The following CNTROB variants were observed in gnomAD, a reference collection of about 807,000 sequenced individuals.
CNTROB encodes centrobin, centriole duplication and spindle assembly protein, also known as centrobin.
Under a neutral mutation model 115.7 loss-of-function variants are expected in CNTROB, and 82 were observed. The observed-to-expected ratio is 0.71, with a 90% CI of 0.59 to 0.85. The LOEUF (loss-of-function observed/expected upper bound fraction) is 0.85. Among genes scored for constraint, CNTROB ranks in the 40% least tolerant of loss-of-function variants. The pLI is 0.00. For synonymous variants in CNTROB, 439 were observed against 456.4 expected (o/e 0.96, Z 0.49); for missense variants, 1,014 against 1,144.4 (o/e 0.89, Z 1.64).
At chr17:7,938,202 G>A (rs1325596547) in intron 7 of CNTROB, among the ~76,000 whole-genome samples, 2 of 151,808 alleles carry the variant, frequency 1.3e-5, no homozygotes, top group Non-Finnish European at 2.9e-5. Context: ...ACGGGGTTTC[G>A]CCATGTTGGC....
rs1972741977 is a variant in CNTROB at position 7,933,297 on chromosome 17, A to G, written c.218A>G (p.Gln73Arg). 1.2e-6 allele frequency: 2 copies of G among 1,614,206 alleles called. No individual in the cohort carries two copies. The highest frequency in any genetic ancestry group is 1.7e-6 in the Non-Finnish European group (2 of 1,180,028). Residue 73 changes from glutamine (Q) to arginine (R), a missense_variant, in exon 1 of 19, where the codon CAA becomes CGA. Physicochemically the swap from Gln to Arg is conservative, Grantham distance 43. Coordinates refer to ENST00000563694, the MANE Select transcript of CNTROB (RefSeq NM_053051.5). ...PPHEGLDGFAQELSRSLSVGL... is the reference protein window; with the variant it reads ...PPHEGLDGFARELSRSLSVGL... Reference sequence around the variant, plus strand: ...CATGAAGGGTTAGACGGCTTCGCCCAAGAATTGAGTCGAAGCTTGTCAGTC... The same window carrying G: ...CATGAAGGGTTAGACGGCTTCGCCCGAGAATTGAGTCGAAGCTTGTCAGTC...
In CNTROB at chr17:7,934,506, G is replaced by A. The variant is rs1444576060; in HGVS notation, c.397G>A (p.Glu133Lys). The stretch of plus-strand genomic sequence containing the variant: ...TGGCGCTGGCTCAGAGAGACGGGAA[G>A]AGGACTCCTTTGACAGTGATAGCAC... ...IPGAGSERRE[E>K]DSFDSDSTAT... Residue 133 changes from glutamate to lysine, a missense_variant, in exon 3 of 19, where the codon GAG becomes AAG. Transcript: ENST00000563694. The A allele has an allele frequency of 6.2e-7, 1 of 1,614,196 alleles. No homozygotes were observed. Among genetic ancestry groups the A allele is most frequent in the Admixed American group, 1.7e-5 (1 of 60,026 alleles).
At position 7,944,054 on chromosome 17, in the gene CNTROB, G is replaced by T; in HGVS notation, c.1446-69G>T. ...GGTCACTGTCATGTGCACACATGATGTCTTTTTCTCAGTTGGTCACTTCTT... is the reference window on the plus strand; with the variant it reads ...GGTCACTGTCATGTGCACACATGATTTCTTTTTCTCAGTTGGTCACTTCTT... On this transcript the variant is annotated intron_variant, in intron 10 of 18. Coordinates refer to ENST00000563694, the MANE Select transcript of CNTROB (RefSeq NM_053051.5). The surrounding 1 kb of genome is among the most constrained non-coding windows in gnomAD (Gnocchi z 4.0). The T allele has an allele frequency of 8.2e-7, 1 of 1,219,954 alleles. No homozygotes were observed. The highest frequency in any genetic ancestry group is 1.5e-5 in the African/African-American group (1 of 67,232). 75.6% of individuals were successfully genotyped at this position (1,219,954 alleles called of 1,614,324 possible).
In CNTROB at chr17:7,943,365, C is replaced by T. The variant is rs781272165; in HGVS notation, c.1312-26C>T. On this transcript the variant is annotated intron_variant, in intron 9 of 18. Transcript: ENST00000563694. This position sits in a 1 kb window ranked among gnomAD's most constrained non-coding sequence, Gnocchi z 4.7. Reference sequence around the variant, plus strand: ...CTTCTAAGCCCAAACAGATTTGGGCCGTTATCCCACCTTCCTTCACTCCAG... The same window carrying T: ...CTTCTAAGCCCAAACAGATTTGGGCTGTTATCCCACCTTCCTTCACTCCAG... 7 of 1,592,154 alleles carry T rather than the reference C, an allele frequency of 4.4e-6. No individual in the cohort carries two copies. Among genetic ancestry groups the T allele is most frequent in the East Asian group, 4.5e-5 (2 of 44,482 alleles).
chr17:7,948,659 G>A lies in CNTROB; in HGVS notation c.2513+40G>A, dbSNP rs1974852779. The A allele has an allele frequency of 1.2e-6, 2 of 1,614,032 alleles. No individual in the cohort carries two copies. Among genetic ancestry groups the A allele is most frequent in the Admixed American group, 1.7e-5 (1 of 59,998 alleles). ...GGAAGGAGGAAGGATTCTCCGGGTG[G>A]AAGCTGGATTATGGGGAGTGGAGTG... On this transcript the variant is annotated intron_variant, in intron 17 of 18. Coordinates refer to ENST00000563694, the MANE Select transcript of CNTROB (RefSeq NM_053051.5). The surrounding 1 kb of genome is among the most constrained non-coding windows in gnomAD (Gnocchi z 4.4).
intron 3 of CNTROB, 117 bp downstream of exon 3, chr17:7,934,663 C>A: frequency 2.2e-6 from 2 of 905,420 alleles, no homozygotes; most frequent in Non-Finnish European, 3.5e-6. Flanking sequence ...AGGCTTATCA[C>A]TTGCCTTTCA....
Position 7,935,239 on chromosome 17 carries a change from C to CA in CNTROB, c.594+95dup, listed in dbSNP as rs1356111126. ...GCTGAGGGGGCCTGGCGTGGTGGCT[C>CA]ACGCCTGTAATCACAGCACTTTGGG... On this transcript the variant is annotated intron_variant, in intron 4 of 18. Coordinates refer to ENST00000563694, the MANE Select transcript of CNTROB (RefSeq NM_053051.5). 7 of 1,580,938 alleles carry CA rather than the reference C, an allele frequency of 4.4e-6. No individual in the cohort carries two copies. In the Admixed American group the frequency reaches 1.2e-4, roughly 27 times the overall value.
chr17:7,948,459 C>T lies in CNTROB; in HGVS notation c.2381-28C>T, dbSNP rs76393612. ...GCTGGGGAGACAGGCCCTAGGATGACGCCTGTGATTATTGCGATGTCTGTC... is the reference window on the plus strand; with the variant it reads ...GCTGGGGAGACAGGCCCTAGGATGATGCCTGTGATTATTGCGATGTCTGTC... On this transcript the variant is annotated intron_variant, in intron 16 of 18. Coordinates refer to ENST00000563694, the MANE Select transcript of CNTROB (RefSeq NM_053051.5). The surrounding 1 kb of genome is among the most constrained non-coding windows in gnomAD (Gnocchi z 4.4). The T allele has an allele frequency of 0.012, 18,773 of 1,613,044 alleles. 986 individuals are homozygous for T. The South Asian group carries it at 0.13, about 11-fold the overall frequency.
intron 9 of CNTROB, among the ~76,000 whole-genome samples, chr17:7,942,171 G>T: frequency 6.6e-6 from 1 of 152,248 alleles, no homozygotes; most frequent in South Asian, 2.1e-4. Context: ...GGAGGCTGAG[G>T]TGGGAGGATC....
rs1567930275 is a variant in CNTROB, at chr17:7,944,459, T to G, written c.1572-17T>G. 1.2e-6 allele frequency: 2 copies of G among 1,611,326 alleles called. No individual in the cohort carries two copies. Among genetic ancestry groups the G allele is most frequent in the Admixed American group, 3.3e-5 (2 of 59,902 alleles). On this transcript the variant is annotated splice_polypyrimidine_tract_variant and intron_variant, in intron 11 of 18. Transcript: ENST00000563694. This position sits in a 1 kb window ranked among gnomAD's most constrained non-coding sequence, Gnocchi z 4.0. ...TTCCTTAAAGGCCCTGAGTCACTTC[T>G]TCTCTCTTTGCTTCAGACTGGCCCG... is the stretch of plus-strand genomic sequence containing the variant.
In CNTROB at chr17:7,949,358, C is replaced by T; in HGVS notation, c.2587-27C>T. 2.5e-6 allele frequency: 4 copies of T among 1,612,790 alleles called. No individual in the cohort carries two copies. The South Asian group carries it at 4.4e-5, about 18-fold the overall frequency. The stretch of plus-strand genomic sequence containing the variant: ...AATTGAGAGGATCTGACGCTGATTT[C>T]TTCCTCTCTCTTCCCTCAACTCTCA... On this transcript the variant is annotated intron_variant, in intron 18 of 18. Transcript: ENST00000563694.
chr17:7,935,038 G>C lies in CNTROB; in HGVS notation c.487G>C (p.Glu163Gln), dbSNP rs748395903. 7.6e-5 allele frequency: 123 copies of C among 1,613,950 alleles called. No individual in the cohort carries two copies. Among genetic ancestry groups the C allele is most frequent in the Non-Finnish European group, 1.0e-4 (119 of 1,179,974 alleles). ...LSPSSSAQAL[E>Q]ELFPRYTSLR... The stretch of plus-strand genomic sequence containing the variant: ...TCCATCTAGCTCAGCCCAAGCCCTG[G>C]AGGAGCTGTTTCCCCGCTACACCAG... Residue 163 changes from glutamate (E) to glutamine (Q), a missense_variant, in exon 4 of 19, where the codon GAG (glutamate) becomes CAG (glutamine). Transcript: ENST00000563694.
chr17:7,940,049 G>C (rs1315680176), intron 8 of CNTROB, 47 bp from the exon 9 acceptor site: 2 of 1,527,698 alleles, frequency 1.3e-6, no homozygotes, highest in Admixed American at 2.1e-5. Context: ...AGGTAACCAG[G>C]AGATAAGAAA....
chr17:7,934,163 T>A lies in CNTROB; in HGVS notation c.296T>A (p.Met99Lys), dbSNP rs780700229. 14 of 1,614,068 alleles carry A rather than the reference T, an allele frequency of 8.7e-6. No individual in the cohort carries two copies. The African/African-American group carries it at 1.5e-4, about 17-fold the overall frequency. Residue 99 changes from methionine (M) to lysine (K), a missense_variant, in exon 2 of 19, where the codon ATG becomes AAG. Physicochemically the swap from Met to Lys is moderately conservative, Grantham distance 95. Coordinates refer to ENST00000563694, the MANE Select transcript of CNTROB (RefSeq NM_053051.5). ...GATGGTTCTAAGCATATCTTTGAGA[T>A]GGAAAGTGTTCGGGGTCAGCTCCAG... ...KKDGSKHIFE[M>K]ESVRGQLQTM...
chr17:7,934,108 G>C (rs551522621), intron 1 of CNTROB, 30 bp from the exon 2 acceptor site: 1 of 1,583,936 alleles, frequency 6.3e-7, no homozygotes, highest in Non-Finnish European at 8.7e-7. Context: ...AACACAGACT[G>C]CATCTGATTT....
Position 7,935,120 on chromosome 17 carries a change from T to G in CNTROB, c.569T>G (p.Leu190Trp), listed in dbSNP as rs762451376. 2.5e-6 allele frequency: 4 copies of G among 1,613,766 alleles called. No homozygotes were observed. Among genetic ancestry groups the G allele is most frequent in the Non-Finnish European group, 3.4e-6 (4 of 1,179,978 alleles). ...PPDFQGLRDA[L>W]DSEHTRRKHC... is the part of the protein sequence containing the mutation. ...GATTTTCAGGGGCTGAGAGATGCAT[T>G]GGATTCAGAGCATACCCGCCGCAAG... is the stretch of plus-strand genomic sequence containing the variant. The change falls in exon 4 of 19, where the codon TTG becomes TGG. Residue 190 changes from leucine to tryptophan, a missense_variant. By Grantham distance (61) the Leu-to-Trp change is moderately conservative (BLOSUM62 -2). Coordinates refer to ENST00000563694, the MANE Select transcript of CNTROB (RefSeq NM_053051.5).
Position 7,944,162 on chromosome 17 carries a change from G to A in CNTROB, c.1485G>A (p.Glu495=). The part of the protein sequence containing the change: ...LQDLSGQHQQ[E]LASQLAQFKV... ...ACCTGAGTGGACAGCACCAGCAGGA[G>A]CTGGCCAGTCAGCTAGCTCAGTTCA... Residue 495 remains glutamate, a synonymous_variant, in exon 11 of 19, where the codon GAG becomes GAA. Transcript: ENST00000563694. This position sits in a 1 kb window ranked among gnomAD's most constrained non-coding sequence, Gnocchi z 4.0. 1 of 1,611,622 alleles carries A rather than the reference G, an allele frequency of 6.2e-7. No individual in the cohort carries two copies. Among genetic ancestry groups the A allele is most frequent in the Non-Finnish European group, 8.5e-7 (1 of 1,177,698 alleles).
intron 13 of CNTROB, among the ~76,000 whole-genome samples, chr17:7,947,172 A>AG (rs1366484900): frequency 2.2e-4 from 28 of 129,048 alleles, no homozygotes; most frequent in Admixed American, 7.2e-4. Flanking sequence ...AAAAAAAAAA[A>AG]AAAAAGAGAG....
rs182707078 is a variant in CNTROB, at chr17:7,947,683, G to A, written c.2106G>A (p.Pro702=). Residue 702 remains proline, a synonymous_variant, in exon 14 of 19, where the codon CCG becomes CCA. Coordinates refer to ENST00000563694, the MANE Select transcript of CNTROB (RefSeq NM_053051.5). ...DGEGLLKQGL[P]PAQLEGLKNF... is the part of the protein sequence containing the mutation. Reference sequence around the variant, plus strand: ...AGGGCCTCCTAAAGCAAGGGCTGCCGCCTGCTCAGCTGGAGGGCCTCAAGA... The same window carrying A: ...AGGGCCTCCTAAAGCAAGGGCTGCCACCTGCTCAGCTGGAGGGCCTCAAGA... 15 of 1,613,550 alleles carry A rather than the reference G, an allele frequency of 9.3e-6. No individual in the cohort carries two copies. Among genetic ancestry groups the A allele is most frequent in the South Asian group, 3.3e-5 (3 of 91,016 alleles).
Sources: allele counts gnomAD v4.1 joint callset (sites outside exome capture counted in the v4.1 genomes callset), GRCh38; gene constraint gnomAD v4.1.1; non-coding constraint Gnocchi (gnomAD v3.1); transcripts MANE v1.5; gene names NCBI Gene and HGNC (gene_info 2026-07-23, HGNC 2026-07-21).